The following STK24 variants were observed in gnomAD, a reference collection of about 807,000 sequenced individuals.
STK24 encodes serine/threonine kinase 24.
In STK24, 21 loss-of-function variants were observed where a neutral mutation model predicts 55.6. The ratio of observed to expected loss-of-function variants is 0.38; its 90% CI spans 0.27 to 0.54. The LOEUF is 0.54. STK24 is among the 20% of genes least tolerant of loss of function. STK24 has a pLI of 0.79. For missense variants in STK24, 383 were observed against 538.4 expected (o/e 0.71, Z 2.86); for synonymous variants, 200 against 215.2 (o/e 0.93, Z 0.62).
At position 98,448,265 on chromosome 13, in the gene STK24, G is replaced by A. The variant is rs147158245; in HGVS notation, c.*4908C>T. The A allele has an allele frequency of 8.7e-6, 14 of 1,614,008 alleles. No homozygotes were observed. The highest frequency in any genetic ancestry group is 1.1e-5 in the Non-Finnish European group (13 of 1,179,976). ...ATGGAAGTGATCCGCAGTGCCACCA[G>A]CTCTGCCTCGCGACCCCACGTGTTG... is the stretch of plus-strand genomic sequence containing the variant. On this transcript the variant is annotated 3_prime_UTR_variant, in exon 11 of 11. Transcript: ENST00000539966.
At position 98,475,329 on chromosome 13, in the gene STK24, C is replaced by A. The variant is rs759755166; in HGVS notation, c.360G>T (p.Gln120His). 15 of 1,612,640 alleles carry A rather than the reference C, an allele frequency of 9.3e-6. No homozygotes were observed. The highest frequency in any genetic ancestry group is 1.3e-5 in the Non-Finnish European group (15 of 1,179,610). The change falls in exon 4 of 11, where the codon CAG becomes CAT. Residue 120 changes from glutamine (Q) to histidine (H), a missense_variant. By Grantham distance (24) the Gln-to-His change is conservative (BLOSUM62 0). Transcript: ENST00000539966. Reference sequence around the variant, plus strand: ...GTATTTCTCTTAATATAGTAGCGATCTGGGTTTCATCTAATGGGCCAGGTT... The same window carrying A: ...GTATTTCTCTTAATATAGTAGCGATATGGGTTTCATCTAATGGGCCAGGTT... ...LLEPGPLDET[Q>H]IATILREILK...
At chr13:98,473,546 A>G (rs1376189133) in intron 5 of STK24, among the ~76,000 whole-genome samples, 1 of 152,118 alleles carries the variant, frequency 6.6e-6, no homozygotes, top group Non-Finnish European at 1.5e-5. Context: ...GTCAACAGCC[A>G]AAGTGACTGC....
chr13:98,499,581 C>T (rs976615605), intron 2 of STK24, among the ~76,000 whole-genome samples: 3 of 152,270 alleles, frequency 2.0e-5, no homozygotes, highest in South Asian at 2.1e-4. Context: ...GGTGCGTCAT[C>T]GCTTCCCTGT....
intron 2 of STK24, among the ~76,000 whole-genome samples, chr13:98,505,791 T>C (rs2050397678): frequency 6.6e-6 from 1 of 152,246 alleles, no homozygotes; most frequent in South Asian, 2.1e-4. Flanking sequence ...TGTTCTATTA[T>C]ATATCAACAC....
At chr13:98,522,097 C>CCTGGATT in intron 1 of STK24, 1 of 1,337,440 alleles carries the variant, frequency 7.5e-7, no homozygotes, top group East Asian at 3.1e-5. Flanking sequence ...CGCTCTGGAT[C>CCTGGATT]CGGTCACCAG....
intron 1 of STK24, among the ~76,000 whole-genome samples, chr13:98,574,131 C>A (rs1359773778): frequency 2.6e-5 from 4 of 152,212 alleles, no homozygotes; most frequent in Non-Finnish European, 5.9e-5. Flanking sequence ...CCTGCCTCAG[C>A]CTCCCGAGTA....
At chr13:98,511,565 G>A (rs1290249594) in intron 2 of STK24, among the ~76,000 whole-genome samples, 1 of 152,132 alleles carries the variant, frequency 6.6e-6, no homozygotes, top group Non-Finnish European at 1.5e-5. Flanking sequence ...CCTTCGATAG[G>A]TAAACCTGGT....
intron 2 of STK24, among the ~76,000 whole-genome samples, chr13:98,513,100 A>G (rs1277301685): frequency 6.6e-6 from 1 of 152,246 alleles, no homozygotes. Context: ...GAGCATTCAC[A>G]GCCTCGAGAA....
chr13:98,473,404 G>A (rs1450183044), intron 5 of STK24, among the ~76,000 whole-genome samples: 1 of 149,632 alleles, frequency 6.7e-6, no homozygotes, highest in African/African-American at 2.5e-5. Context: ...AAGAAACATG[G>A]GTTCTAGTCT....
chr13:98,466,464 G>C lies in STK24; in HGVS notation c.695C>G (p.Pro232Arg). ...TTCCAACGTCGGTGGGTTGTTCTTT[G>C]GAATGAGGAATAAAACTTTCATGGG... ...LHPMKVLFLIPKNNPPTLEGN... is the reference protein window; with the variant it reads ...LHPMKVLFLIRKNNPPTLEGN... The change falls in exon 6 of 11, where the codon CCA (proline) becomes CGA (arginine). Residue 232 changes from proline to arginine, a missense_variant. Coordinates refer to ENST00000539966, the MANE Select transcript of STK24 (RefSeq NM_001032296.4). 6.2e-7 allele frequency: 1 copy of C among 1,614,090 alleles called. No individual in the cohort carries two copies. The highest frequency in any genetic ancestry group is 8.5e-7 in the Non-Finnish European group (1 of 1,180,022).
chr13:98,494,197 G>A (rs1895155823), intron 2 of STK24, among the ~76,000 whole-genome samples: 1 of 145,190 alleles, frequency 6.9e-6, no homozygotes, highest in Non-Finnish European at 1.5e-5. Flanking sequence ...GGATCACGAG[G>A]TCAGGAGATC....
In STK24 at chr13:98,448,555, G is replaced by GTATT. The variant is rs1453103697; in HGVS notation, c.*4614_*4617dup. 2.5e-5 allele frequency: 13 copies of GTATT among 521,612 alleles called. No individual in the cohort carries two copies. Among genetic ancestry groups the GTATT allele is most frequent in the Non-Finnish European group, 4.4e-5 (13 of 292,678 alleles). 32.3% of individuals were successfully genotyped at this position (521,612 alleles called of 1,614,324 possible). A position where few individuals can be genotyped will look rare whatever the true frequency, so the allele number is the denominator to read the frequency against. ...GGGCGCTGTTCTTTAGCTAGTGCCA[G>GTATT]TATTAAAACATTGTCATTACGAGAG... On this transcript the variant is annotated 3_prime_UTR_variant, in exon 11 of 11. Transcript: ENST00000539966.
intron 6 of STK24, among the ~76,000 whole-genome samples, chr13:98,464,664 T>G (rs1457722378): frequency 6.6e-6 from 1 of 151,094 alleles, no homozygotes; most frequent in Non-Finnish European, 1.5e-5. Flanking sequence ...CCAGGCTAAT[T>G]TTTTGTATTT....
Position 98,453,494 on chromosome 13 carries a change from T to TA in STK24, c.1260-286dup, listed in dbSNP as rs1161212759. ...AACGGGAAATCATATCCCTTTTACT[T>TA]ACGATCAATTGTCAAAAAGTGAACA... On this transcript the variant is annotated intron_variant, in intron 10 of 10. Transcript: ENST00000539966. 2.3e-5 allele frequency: 9 copies of TA among 393,418 alleles called. No homozygotes were observed. In the Admixed American group the frequency reaches 3.0e-4, roughly 13 times the overall value. 24.4% of individuals were successfully genotyped at this position (393,418 alleles called of 1,614,324 possible). A position where few individuals can be genotyped will look rare whatever the true frequency, so the allele number is the denominator to read the frequency against.
chr13:98,454,709 G>A (rs534374155), intron 10 of STK24: 1 of 152,318 alleles, frequency 6.6e-6, no homozygotes, highest in Admixed American at 6.5e-5. Flanking sequence ...AAACTGGCAG[G>A]AAGTCTAAGC....
chr13:98,446,300 TG>T lies in STK24; in HGVS notation c.*6872del. On this transcript the variant is annotated 3_prime_UTR_variant, in exon 11 of 11. Transcript: ENST00000539966. ...CTCCTCTGGAATGACTCAGGCCTCT[TG>T]GGCTCCAGGTGTCACGGGGATGACA... 1.3e-6 allele frequency: 1 copy of T among 782,666 alleles called. No individual in the cohort carries two copies. The allele number at this position is 782,666 out of a possible 1,614,324, so 48.5% of individuals were successfully genotyped here.
chr13:98,521,843 T>C (rs1430960692), intron 1 of STK24: 1 of 794,758 alleles, frequency 1.3e-6, no homozygotes, highest in African/African-American at 1.7e-5. Context: ...AGCTGGGCTC[T>C]GGAGTCCATC....
At chr13:98,541,319 A>G (rs1419407810) in intron 1 of STK24, among the ~76,000 whole-genome samples, 2 of 152,194 alleles carry the variant, frequency 1.3e-5, no homozygotes, top group African/African-American at 4.8e-5. Context: ...CCCGAGAAAT[A>G]GCAGCCTGAC....
intron 2 of STK24, among the ~76,000 whole-genome samples, chr13:98,501,946 G>C (rs1045196187): frequency 6.6e-6 from 1 of 152,088 alleles, no homozygotes; most frequent in African/African-American, 2.4e-5. Flanking sequence ...GCTGCTGCCG[G>C]AGGTTCTTGC....
Sources: gnomAD v4.1 joint callset for allele counts (sites outside exome capture counted in the v4.1 genomes callset) on GRCh38, gnomAD v4.1.1 for gene constraint, MANE v1.5 for transcripts, NCBI Gene and HGNC (gene_info 2026-07-23, HGNC 2026-07-21) for gene names.